LRRTM4: variants seen among roughly 807,000 people sequenced by gnomAD.
LRRTM4 encodes the protein leucine-rich repeat transmembrane neuronal protein 4.
Under a neutral mutation model 47.6 loss-of-function variants are expected in LRRTM4, and 25 were observed. The observed-to-expected ratio is 0.53, with a 90% CI of 0.38 to 0.73. The LOEUF (loss-of-function observed/expected upper bound fraction) is 0.73, where lower values mean the gene tolerates loss of function less well. Among genes scored for constraint, LRRTM4 ranks in the 30% least tolerant of loss-of-function variants. LRRTM4 has a pLI of 0.00. For synonymous variants in LRRTM4, 311 were observed against 269.5 expected (o/e 1.15, Z -1.51); for missense variants, 638 against 713.4 (o/e 0.89, Z 1.20).
chr2:76,794,633 TCCTAGTATTTA>T (rs1675167779), intron 3 of LRRTM4, among the ~76,000 whole-genome samples: 1 of 152,220 alleles, frequency 6.6e-6, no homozygotes, highest in Non-Finnish European at 1.5e-5. Flanking sequence ...TTATCTGTTT[TCCTAGTATTTA>T]CATTTTTTTG....
intron 3 of LRRTM4, among the ~76,000 whole-genome samples, chr2:77,018,194 A>AT (rs949782820): frequency 9.3e-5 from 12 of 129,126 alleles, no homozygotes; most frequent in African/African-American, 2.7e-4. Context: ...CCAAAGAAAA[A>AT]TTTTTTTTGT....
intron 3 of LRRTM4, among the ~76,000 whole-genome samples, chr2:77,460,390 A>G (rs1676742653): frequency 1.3e-5 from 2 of 152,278 alleles, no homozygotes; most frequent in Middle Eastern, 3.4e-3. Flanking sequence ...CTACTTCACT[A>G]CTATGAGCTT....
intron 3 of LRRTM4, among the ~76,000 whole-genome samples, chr2:77,335,049 T>G (rs1671111019): frequency 1.3e-5 from 2 of 152,198 alleles, no homozygotes; most frequent in Non-Finnish European, 2.9e-5. Context: ...CTTTCTCATT[T>G]TAATGCCTCT....
chr2:77,216,089 G>GC (rs200008470), intron 3 of LRRTM4, among the ~76,000 whole-genome samples: 3 of 138,724 alleles, frequency 2.2e-5, no homozygotes, highest in East Asian at 2.3e-4. Context: ...TACATTAACT[G>GC]CCCCCCCACC....
At chr2:77,128,642 A>T (rs1671716147) in intron 3 of LRRTM4, among the ~76,000 whole-genome samples, 1 of 152,156 alleles carries the variant, frequency 6.6e-6, no homozygotes, top group Non-Finnish European at 1.5e-5. Flanking sequence ...AAGAAGAATT[A>T]TGCTGATGAG....
intron 3 of LRRTM4, among the ~76,000 whole-genome samples, chr2:77,353,217 T>A (rs1671848422): frequency 6.6e-6 from 1 of 152,196 alleles, no homozygotes. Flanking sequence ...GGTGTTAACA[T>A]CTGTTGGATA....
chr2:76,893,440 AAATAAAT>A (rs1266211144), intron 3 of LRRTM4, among the ~76,000 whole-genome samples: 4 of 151,850 alleles, frequency 2.6e-5, no homozygotes, highest in South Asian at 2.1e-4. Context: ...AATAATAACT[AAATAAAT>A]AATAAATAAT....
chr2:77,446,399 C>G (rs140102064), intron 3 of LRRTM4, among the ~76,000 whole-genome samples: 2 of 151,984 alleles, frequency 1.3e-5, no homozygotes, highest in East Asian at 3.9e-4. Flanking sequence ...GGCAAAATTA[C>G]CCTAGGTTGA....
At chr2:76,809,191 CAT>C (rs1235739135) in intron 3 of LRRTM4, among the ~76,000 whole-genome samples, 4 of 152,148 alleles carry the variant, frequency 2.6e-5, no homozygotes, top group African/African-American at 9.7e-5. Flanking sequence ...ATAACATTAA[CAT>C]CCTTTTATCA....
At chr2:76,939,630 T>C (rs958082854) in intron 3 of LRRTM4, among the ~76,000 whole-genome samples, 1 of 151,962 alleles carries the variant, frequency 6.6e-6, no homozygotes, top group East Asian at 1.9e-4. Flanking sequence ...ATAAAAAATA[T>C]CCATGCTTCT....
At chr2:77,467,996 G>C (rs1410903981) in intron 3 of LRRTM4, among the ~76,000 whole-genome samples, 1 of 152,246 alleles carries the variant, frequency 6.6e-6, no homozygotes, top group African/African-American at 2.4e-5. Context: ...GGGTGAAAAA[G>C]TCATGCCACA....
chr2:76,974,894 C>G (rs1053383746), intron 3 of LRRTM4, among the ~76,000 whole-genome samples: 2 of 151,462 alleles, frequency 1.3e-5, no homozygotes, highest in African/African-American at 4.8e-5. Context: ...CAACAGTAAT[C>G]ATCTTGGCAT....
chr2:77,432,097 G>T (rs552237672), intron 3 of LRRTM4, among the ~76,000 whole-genome samples: 24 of 152,112 alleles, frequency 1.6e-4, no homozygotes, highest in African/African-American at 5.8e-4. Flanking sequence ...AGAAAGAAAT[G>T]GGTAATTTGT....
intron 3 of LRRTM4, among the ~76,000 whole-genome samples, chr2:76,948,042 T>C (rs1387158677): frequency 6.6e-6 from 1 of 151,852 alleles, no homozygotes; most frequent in East Asian, 1.9e-4. Context: ...ACTATTTTCT[T>C]TGTAACAGGA....
chr2:76,795,973 C>G (rs113658473), intron 3 of LRRTM4, among the ~76,000 whole-genome samples: 35,049 of 142,380 alleles, frequency 0.25, 5,094 homozygotes, highest in East Asian at 0.55. Context: ...ATGTGCGAGC[C>G]GAAGCAGGGC....
intron 3 of LRRTM4, among the ~76,000 whole-genome samples, chr2:76,786,542 G>T (rs923326138): frequency 3.7e-5 from 5 of 134,786 alleles, no homozygotes; most frequent in Non-Finnish European, 8.5e-5. Flanking sequence ...TGAAGGAGTT[G>T]TCTGATTCAA....
intron 3 of LRRTM4, among the ~76,000 whole-genome samples, chr2:77,398,125 A>G (rs138563969): frequency 6.6e-6 from 1 of 151,954 alleles, no homozygotes; most frequent in East Asian, 1.9e-4. Context: ...TCTCTGTATA[A>G]TTATTCCAGT....
chr2:76,990,634 A>C (rs1220056645), intron 3 of LRRTM4, among the ~76,000 whole-genome samples: 2 of 151,846 alleles, frequency 1.3e-5, no homozygotes, highest in Non-Finnish European at 2.9e-5. Flanking sequence ...ACATTGGAGC[A>C]CACAGATTCA....
In LRRTM4 at chr2:77,420,556, G is replaced by T. The variant is rs188276016; in HGVS notation, c.1551+97762C>A. Among the ~76,000 whole-genome samples, 8 of 151,664 alleles carry T rather than the reference G, an allele frequency of 5.3e-5. No homozygotes were observed. In the East Asian group the frequency reaches 9.9e-4, roughly 19 times the overall value. The stretch of plus-strand genomic sequence containing the variant: ...TGGAGAAAGGACGTACAGGTATAAG[G>T]TTAAAGAATAAGGAAAAAGCTATTC... On this transcript the variant is annotated intron_variant, in intron 3 of 3. Coordinates refer to ENST00000409884, the MANE Select transcript of LRRTM4 (RefSeq NM_001134745.3).
Sources: allele counts gnomAD v4.1 joint callset (sites outside exome capture counted in the v4.1 genomes callset), GRCh38; gene constraint gnomAD v4.1.1; transcripts MANE v1.5; gene names NCBI Gene and HGNC (gene_info 2026-07-23, HGNC 2026-07-21).